Variants in RAPGEF5 observed in about 807,000 individuals in gnomAD.
The protein encoded by RAPGEF5 is Rap guanine nucleotide exchange factor 5, also known as M-Ras-regulated GEF.
Under a neutral mutation model 125.2 loss-of-function variants are expected in RAPGEF5, and 65 were observed. That is an observed-to-expected ratio of 0.52 (90% CI 0.43 to 0.64). The LOEUF is 0.64. Among genes scored for constraint, RAPGEF5 ranks in the 30% least tolerant of loss-of-function variants. RAPGEF5 has a pLI of 0.00. For synonymous variants in RAPGEF5, 391 were observed against 385.9 expected (o/e 1.01, Z -0.16); for missense variants, 958 against 1,048.1 (o/e 0.91, Z 1.19).
At chr7:22,262,492 TG>T (rs1016972591) in intron 7 of RAPGEF5, among the ~76,000 whole-genome samples, 1 of 152,148 alleles carries the variant, frequency 6.6e-6, no homozygotes, top group African/African-American at 2.4e-5. Flanking sequence ...AATGTAAAAA[TG>T]GCACAGCTAC....
At chr7:22,238,116 T>C (rs910964525) in intron 7 of RAPGEF5, among the ~76,000 whole-genome samples, 2 of 152,220 alleles carry the variant, frequency 1.3e-5, no homozygotes, top group South Asian at 2.1e-4. Flanking sequence ...GTAGAGGTCC[T>C]GGCAAGACTG....
At chr7:22,151,637 T>C (rs900402447) in intron 17 of RAPGEF5, among the ~76,000 whole-genome samples, 2 of 152,034 alleles carry the variant, frequency 1.3e-5, no homozygotes, top group Non-Finnish European at 2.9e-5. Flanking sequence ...GCTAATTTTG[T>C]ATTTTTAGTA....
At chr7:22,316,483 ATATATATTT>A (rs1363449036) in intron 2 of RAPGEF5, among the ~76,000 whole-genome samples, 22 of 30,434 alleles carry the variant, frequency 7.2e-4, no homozygotes, top group Non-Finnish European at 9.4e-4. Context: ...ATATATATAT[ATATATATTT>A]TTTTTTTTTT....
At chr7:22,335,979 T>C (rs927133349) in intron 1 of RAPGEF5, among the ~76,000 whole-genome samples, 1 of 152,144 alleles carries the variant, frequency 6.6e-6, no homozygotes, top group African/African-American at 2.4e-5. Context: ...AGAAACCTAT[T>C]TGGTGTTCTT....
Position 22,119,254 on chromosome 7 carries a change from T to A in RAPGEF5, c.*3152A>T, listed in dbSNP as rs1399293694. On this transcript the variant is annotated 3_prime_UTR_variant, in exon 26 of 26. Coordinates refer to ENST00000665637, the MANE Select transcript of RAPGEF5 (RefSeq NM_012294.5). The surrounding 1 kb of genome is among the most constrained non-coding windows in gnomAD (Gnocchi z 4.1). ...GAGGCAAGTATATATTCATGCAGCA[T>A]CCTCTCCCTGTGGACTAGGCAGTGT... 4 of 152,164 alleles carry A rather than the reference T, an allele frequency of 2.6e-5. No homozygotes were observed. The highest frequency in any genetic ancestry group is 5.9e-5 in the Non-Finnish European group (4 of 68,038). The allele number at this position is 152,164 out of a possible 1,614,324, so 9.4% of individuals were successfully genotyped here.
intron 7 of RAPGEF5, 90 bp downstream of exon 7, chr7:22,266,874 G>C: frequency 7.7e-7 from 1 of 1,305,798 alleles, no homozygotes; most frequent in Non-Finnish European, 1.1e-6. Context: ...ATAACTTCCT[G>C]AGATACACTC....
chr7:22,217,437 G>A (rs1194661076), intron 9 of RAPGEF5, among the ~76,000 whole-genome samples: 2 of 152,208 alleles, frequency 1.3e-5, no homozygotes, highest in Non-Finnish European at 2.9e-5. Flanking sequence ...GTAAGCAAAG[G>A]TATAGGCACA....
intron 10 of RAPGEF5, 112 bp from the exon 11 acceptor site, chr7:22,193,567 A>C (rs1785065436): frequency 1.9e-6 from 3 of 1,551,534 alleles, no homozygotes; most frequent in Non-Finnish European, 2.6e-6. Context: ...AGGCACATCG[A>C]AGGTAGGCAA....
intron 7 of RAPGEF5, among the ~76,000 whole-genome samples, 169 bp downstream of exon 7, chr7:22,266,795 C>G (rs926849410): frequency 3.9e-5 from 6 of 152,126 alleles, no homozygotes; most frequent in Non-Finnish European, 8.8e-5. Flanking sequence ...ATATAACATC[C>G]TGTGCTATTC....
At chr7:22,156,418 G>C (rs886987831) in intron 16 of RAPGEF5, among the ~76,000 whole-genome samples, 1 of 152,130 alleles carries the variant, frequency 6.6e-6, no homozygotes, top group Non-Finnish European at 1.5e-5. Context: ...GACTGACTCA[G>C]CCCAAATCTG....
intron 1 of RAPGEF5, among the ~76,000 whole-genome samples, chr7:22,349,887 T>C (rs899392885): frequency 2.0e-5 from 3 of 152,220 alleles, no homozygotes; most frequent in Non-Finnish European, 4.4e-5. Flanking sequence ...AATTTCCTCA[T>C]AGGTGAAAAT....
At chr7:22,277,247 T>A (rs1782578085) in intron 6 of RAPGEF5, among the ~76,000 whole-genome samples, 2 of 152,224 alleles carry the variant, frequency 1.3e-5, no homozygotes, top group African/African-American at 4.8e-5. Context: ...GTCAGAGGTA[T>A]CAATCAACTT....
In RAPGEF5 at chr7:22,251,164, T is replaced by C. The variant is rs1440622129; in HGVS notation, c.796+15800A>G. 2.0e-5 allele frequency among the ~76,000 whole-genome samples: 3 copies of C among 152,232 alleles called. No homozygotes were observed. The East Asian group carries it at 5.8e-4, about 29-fold the overall frequency. On this transcript the variant is annotated intron_variant, in intron 7 of 25. Transcript: ENST00000665637. ...TTTCCTCAAATATTTTAATATTTAA[T>C]ATTTTAAAACATCTACAGATTGCAA...
intron 13 of RAPGEF5, among the ~76,000 whole-genome samples, chr7:22,161,872 T>G (rs1297876213): frequency 6.6e-6 from 1 of 152,200 alleles, no homozygotes; most frequent in East Asian, 1.9e-4. Context: ...ACTGTCTTAC[T>G]AATCATCTCT....
At chr7:22,320,248 A>T (rs1209240122) in intron 1 of RAPGEF5, among the ~76,000 whole-genome samples, 1 of 152,198 alleles carries the variant, frequency 6.6e-6, no homozygotes, top group Non-Finnish European at 1.5e-5. Context: ...TTAGCTGAGC[A>T]TGGGGAGCCA....
chr7:22,202,882 G>C, intron 9 of RAPGEF5: 1 of 340,290 alleles, frequency 2.9e-6, no homozygotes, highest in Non-Finnish European at 5.9e-6. Flanking sequence ...TATAGACCCA[G>C]TTGAATACTG....
At chr7:22,272,585 T>C (rs1782461112) in intron 6 of RAPGEF5, among the ~76,000 whole-genome samples, 1 of 152,122 alleles carries the variant, frequency 6.6e-6, no homozygotes, top group Admixed American at 6.6e-5. Flanking sequence ...AGCCCATTTT[T>C]CTCAATTTCC....
intron 3 of RAPGEF5, among the ~76,000 whole-genome samples, chr7:22,310,505 T>C (rs377275892): frequency 1.3e-5 from 2 of 152,192 alleles, no homozygotes; most frequent in South Asian, 2.1e-4. Flanking sequence ...TTAGCAGCCT[T>C]TTATATAGAG....
chr7:22,348,261 T>C (rs1331048634), intron 1 of RAPGEF5, among the ~76,000 whole-genome samples: 2 of 152,220 alleles, frequency 1.3e-5, no homozygotes, highest in African/African-American at 4.8e-5. Context: ...AGTAATTCCA[T>C]GCAGGTAATC....
Sources: allele counts gnomAD v4.1 joint callset (sites outside exome capture counted in the v4.1 genomes callset), GRCh38; gene constraint gnomAD v4.1.1; non-coding constraint Gnocchi (gnomAD v3.1); transcripts MANE v1.5; gene names NCBI Gene and HGNC (gene_info 2026-07-23, HGNC 2026-07-21).